HRH1: variants seen among roughly 807,000 people sequenced by gnomAD.
HRH1 encodes the protein histamine receptor H1, also known as histamine H1 receptor.
A neutral mutation model predicts 10.3 loss-of-function variants in HRH1; 6 were observed. The ratio of observed to expected loss-of-function variants is 0.58; its 90% CI spans 0.32 to 1.15. HRH1 has a LOEUF of 1.15. HRH1 is among the 50% of genes most tolerant of loss of function. The pLI is 0.05. For missense variants in HRH1, 514 were observed against 615.3 expected, an observed-to-expected ratio of 0.84 and a Z score of 1.74; for synonymous variants, 242 against 236.7, an observed-to-expected ratio of 1.02 and a Z score of -0.21.
intron 1 of HRH1, among the ~76,000 whole-genome samples, chr3:11,146,514 C>T (rs1433177260): frequency 6.6e-6 from 1 of 152,098 alleles, no homozygotes; most frequent in African/African-American, 2.4e-5. Context: ...CAAGGCTGTG[C>T]CCCACTGAAA....
intron 1 of HRH1, among the ~76,000 whole-genome samples, chr3:11,231,714 T>C (rs1042575936): frequency 6.6e-6 from 1 of 152,166 alleles, no homozygotes. Context: ...GTTTTGAGAG[T>C]TCTTTATATA....
At chr3:11,197,863 A>G (rs1937727372) in intron 1 of HRH1, among the ~76,000 whole-genome samples, 1 of 152,142 alleles carries the variant, frequency 6.6e-6, no homozygotes, top group Non-Finnish European at 1.5e-5. Context: ...GAAAGACCAC[A>G]TTTGGCAGGT....
intron 1 of HRH1, among the ~76,000 whole-genome samples, chr3:11,246,019 C>T (rs1330076875): frequency 6.6e-6 from 1 of 151,876 alleles, no homozygotes; most frequent in Non-Finnish European, 1.5e-5. Context: ...CACACATACA[C>T]TCACACTCAT....
intron 1 of HRH1, among the ~76,000 whole-genome samples, chr3:11,188,800 T>C (rs929911787): frequency 1.3e-5 from 2 of 152,114 alleles, no homozygotes; most frequent in Non-Finnish European, 2.9e-5. Context: ...AAGTAGAGGA[T>C]ATAAAACCAA....
At chr3:11,255,504 A>C (rs577451441) in intron 1 of HRH1, among the ~76,000 whole-genome samples, 2 of 152,332 alleles carry the variant, frequency 1.3e-5, no homozygotes, top group Admixed American at 6.5e-5. Context: ...AATCTGAGAT[A>C]GGTCTCAGTT....
intron 1 of HRH1, among the ~76,000 whole-genome samples, chr3:11,223,183 CAAAAAAAAAAAAAAAAA>C (rs58149660): frequency 1.9e-4 from 5 of 26,784 alleles, no homozygotes; most frequent in African/African-American, 2.9e-4. Context: ...GACTTCGTCT[CAAAAAAAAAAAAAAAAA>C]AAAAAAAAAA....
intron 1 of HRH1, among the ~76,000 whole-genome samples, chr3:11,140,272 C>A (rs556862100): frequency 6.6e-6 from 1 of 152,294 alleles, no homozygotes; most frequent in Non-Finnish European, 1.5e-5. Context: ...GAAACCCCGC[C>A]CCTCCCCCAA....
intron 1 of HRH1, among the ~76,000 whole-genome samples, chr3:11,144,263 C>T (rs1033676142): frequency 6.6e-6 from 1 of 151,476 alleles, no homozygotes; most frequent in Non-Finnish European, 1.5e-5. Context: ...ATGTTTATTG[C>T]AGCACTATTC....
intron 1 of HRH1, among the ~76,000 whole-genome samples, chr3:11,144,428 CATATAGA>C (rs1574968422): frequency 3.3e-5 from 5 of 149,686 alleles, no homozygotes; most frequent in Admixed American, 1.3e-4. Flanking sequence ...GGTATATATA[CATATAGA>C]CATATAGACA....
rs147784717 is a variant in HRH1, at chr3:11,182,594, C to CT, written c.-36+28041dup. On this transcript the variant is annotated intron_variant, in intron 1 of 1. Coordinates refer to ENST00000431010, the MANE Select transcript of HRH1 (RefSeq NM_001098212.2). Reference sequence around the variant, plus strand: ...CCTTCAGCAGTGGTTCTCAGCACATCTGGAATGAGCGCAGCTGCGTGCCTG... The same window carrying CT: ...CCTTCAGCAGTGGTTCTCAGCACATCTTGGAATGAGCGCAGCTGCGTGCCTG... Among the ~76,000 whole-genome samples the CT allele has an allele frequency of 6.0e-3, 920 of 152,340 alleles. 4 individuals carry two copies. The highest frequency in any genetic ancestry group is 0.02 in the African/African-American group (849 of 41,562).
intron 1 of HRH1, among the ~76,000 whole-genome samples, chr3:11,210,849 G>T (rs190198456): frequency 1.3e-3 from 197 of 150,698 alleles, no homozygotes; most frequent in Middle Eastern, 3.5e-3. Context: ...TGCTTAGTCC[G>T]CAAAGACCAC....
chr3:11,177,731 A>C (rs1937274234), intron 1 of HRH1, among the ~76,000 whole-genome samples: 1 of 152,214 alleles, frequency 6.6e-6, no homozygotes, highest in Admixed American at 6.5e-5. Context: ...GGCATTAATC[A>C]ATGCAGAATG....
In HRH1 at chr3:11,234,668, G is replaced by A. The variant is rs771987998; in HGVS notation, c.-35-24335G>A. 1.4e-5 allele frequency: 18 copies of A among 1,258,554 alleles called. No homozygotes were observed. In the East Asian group the frequency reaches 2.1e-4, roughly 15 times the overall value. The allele number at this position is 1,258,554 out of a possible 1,614,324, so 78.0% of individuals were successfully genotyped here. On this transcript the variant is annotated intron_variant, in intron 1 of 1. Transcript: ENST00000431010. ...ATGATTCGATCCTTCCCTTCCTGCCGGCAGTAGGACATGGCTGCAGCCCTG... is the reference window on the plus strand; with the variant it reads ...ATGATTCGATCCTTCCCTTCCTGCCAGCAGTAGGACATGGCTGCAGCCCTG...
chr3:11,166,420 G>A (rs866606416), intron 1 of HRH1, among the ~76,000 whole-genome samples: 3 of 152,222 alleles, frequency 2.0e-5, no homozygotes, highest in African/African-American at 2.4e-5. Flanking sequence ...GGTGTATGAG[G>A]TGCTCCTCTA....
chr3:11,224,465 C>A (rs185531506), intron 1 of HRH1, among the ~76,000 whole-genome samples: 2 of 152,058 alleles, frequency 1.3e-5, no homozygotes, highest in Admixed American at 6.5e-5. Context: ...TGGGAGGCCG[C>A]GGCAGGCGGA....
At chr3:11,216,660 C>T (rs1938509916) in intron 1 of HRH1, among the ~76,000 whole-genome samples, 1 of 152,124 alleles carries the variant, frequency 6.6e-6, no homozygotes, top group Non-Finnish European at 1.5e-5. Context: ...AGGTGGATCT[C>T]TTGAGGTCAA....
intron 1 of HRH1, among the ~76,000 whole-genome samples, chr3:11,143,611 C>T (rs1936338789): frequency 6.6e-6 from 1 of 152,188 alleles, no homozygotes; most frequent in African/African-American, 2.4e-5. Flanking sequence ...CCTGGCATTC[C>T]AGGCCTGCCT....
intron 1 of HRH1, among the ~76,000 whole-genome samples, chr3:11,192,247 A>G (rs958464019): frequency 6.6e-6 from 1 of 152,368 alleles, no homozygotes; most frequent in Non-Finnish European, 1.5e-5. Context: ...GAAAGAGAAC[A>G]TGACAAGCAC....
chr3:11,230,587 T>G (rs1939012363), intron 1 of HRH1, among the ~76,000 whole-genome samples: 1 of 152,170 alleles, frequency 6.6e-6, no homozygotes. Context: ...CCTGGGAGCT[T>G]GTTAGAGATG....
Sources: allele counts gnomAD v4.1 joint callset (sites outside exome capture counted in the v4.1 genomes callset), GRCh38; gene constraint gnomAD v4.1.1; transcripts MANE v1.5; gene names NCBI Gene and HGNC (gene_info 2026-07-23, HGNC 2026-07-21).